Variants in NECTIN3 observed in about 807,000 individuals in gnomAD.
The protein encoded by NECTIN3 is nectin-3.
Under a neutral mutation model 49.4 loss-of-function variants are expected in NECTIN3, and 8 were observed. The observed-to-expected ratio is 0.16, with a 90% CI of 0.10 to 0.29. The LOEUF (loss-of-function observed/expected upper bound fraction) is 0.29, where lower values mean the gene tolerates loss of function less well. NECTIN3 is among the 10% of genes least tolerant of loss of function. The probability of loss-of-function intolerance (pLI) is 1.00; values close to 1 mark genes in which losing one functional copy is unlikely to be tolerated. For synonymous variants in NECTIN3, 277 were observed against 241.1 expected (o/e 1.15, Z -1.38); for missense variants, 581 against 654.6 (o/e 0.89, Z 1.23).
intron 1 of NECTIN3, among the ~76,000 whole-genome samples, chr3:111,086,969 A>G (rs1435813856): frequency 6.6e-6 from 1 of 152,054 alleles, no homozygotes; most frequent in Non-Finnish European, 1.5e-5. Context: ...TCTAATTTTA[A>G]TTATAGATTT....
At chr3:111,105,707 G>T (rs185870550) in intron 1 of NECTIN3, among the ~76,000 whole-genome samples, 2 of 151,990 alleles carry the variant, frequency 1.3e-5, no homozygotes, top group Non-Finnish European at 2.9e-5. Context: ...GATTGTACTG[G>T]CTAGAACCTT....
At chr3:111,081,265 G>A (rs1156693672) in intron 1 of NECTIN3, among the ~76,000 whole-genome samples, 1 of 152,106 alleles carries the variant, frequency 6.6e-6, no homozygotes, top group African/African-American at 2.4e-5. Context: ...TGGACAACAG[G>A]GCAAGACTCT....
chr3:111,161,633 G>A (rs1222430549), intron 7 of NECTIN3, among the ~76,000 whole-genome samples: 4 of 152,222 alleles, frequency 2.6e-5, no homozygotes, highest in South Asian at 2.1e-4. Flanking sequence ...TGTGAACTGC[G>A]CATGCAAGGG....
chr3:111,141,780 T>G (rs1451370226), downstream of NECTIN3, among the ~76,000 whole-genome samples: 1 of 151,966 alleles, frequency 6.6e-6, no homozygotes, highest in African/African-American at 2.4e-5. Flanking sequence ...TTTGTCTTGT[T>G]TTCTGCCTCT....
chr3:111,088,057 C>T (rs1311360326), intron 1 of NECTIN3, among the ~76,000 whole-genome samples: 1 of 152,026 alleles, frequency 6.6e-6, no homozygotes, highest in South Asian at 2.1e-4. Context: ...TTCTGCCAAG[C>T]CTCATGTTGA....
upstream of NECTIN3, among the ~76,000 whole-genome samples, chr3:111,189,042 G>T (rs1363710653): frequency 6.6e-6 from 1 of 152,104 alleles, no homozygotes. Flanking sequence ...CTATGTTCAA[G>T]ATTTCTTTTC....
At chr3:111,185,930 G>C (rs2035711556) in intron 7 of NECTIN3, among the ~76,000 whole-genome samples, 1 of 152,130 alleles carries the variant, frequency 6.6e-6, no homozygotes, top group Non-Finnish European at 1.5e-5. Flanking sequence ...ATTATAACTT[G>C]GATTCAGAGT....
In NECTIN3 at chr3:111,118,866, T is replaced by A; in HGVS notation, c.713T>A (p.Phe238Tyr). 1 of 1,614,160 alleles carries A rather than the reference T, an allele frequency of 6.2e-7. No individual in the cohort carries two copies. The highest frequency in any genetic ancestry group is 8.5e-7 in the Non-Finnish European group (1 of 1,180,022). Reference protein sequence around the residue: ...ISQYKLFPTRFARGRRITCVV... With the variant: ...ISQYKLFPTRYARGRRITCVV... Reference sequence around the variant, plus strand: ...CAGTACAAGCTATTTCCAACCAGATTTGCTAGAGGAAGGCGAATTACTTGT... The same window carrying A: ...CAGTACAAGCTATTTCCAACCAGATATGCTAGAGGAAGGCGAATTACTTGT... Residue 238 changes from phenylalanine (F) to tyrosine (Y), a missense_variant, in exon 3 of 6, where the codon TTT (phenylalanine) becomes TAT (tyrosine). Physicochemically the swap from Phe to Tyr is conservative, Grantham distance 22. Transcript: ENST00000485303.
chr3:111,129,282 T>G (rs1249679733), intron 5 of NECTIN3, among the ~76,000 whole-genome samples: 2 of 152,154 alleles, frequency 1.3e-5, no homozygotes, highest in African/African-American at 4.8e-5. Context: ...TTGGTCCCCT[T>G]CTTTTTCTCT....
At chr3:111,111,468 T>G (rs2107448210) in intron 1 of NECTIN3, among the ~76,000 whole-genome samples, 1 of 152,320 alleles carries the variant, frequency 6.6e-6, no homozygotes, top group South Asian at 2.1e-4. Flanking sequence ...AAGAAGATAC[T>G]TCAGTATTAT....
At chr3:111,167,231 T>A (rs1327604931) in intron 7 of NECTIN3, among the ~76,000 whole-genome samples, 2 of 152,184 alleles carry the variant, frequency 1.3e-5, no homozygotes, top group East Asian at 3.9e-4. Flanking sequence ...AGCTGGGAAA[T>A]AGTTCAAGAA....
chr3:111,158,700 C>T (rs1262168246), intron 7 of NECTIN3, among the ~76,000 whole-genome samples: 2 of 152,214 alleles, frequency 1.3e-5, no homozygotes, highest in African/African-American at 4.8e-5. Context: ...AACACACACA[C>T]ACAAATTAAT....
intron 7 of NECTIN3, among the ~76,000 whole-genome samples, chr3:111,173,896 T>A (rs961619618): frequency 6.6e-6 from 1 of 152,178 alleles, no homozygotes; most frequent in Non-Finnish European, 1.5e-5. Context: ...TCACTCCCTA[T>A]TGTTGATAGT....
At chr3:111,137,769 C>CTT (rs3081495), downstream of NECTIN3, among the ~76,000 whole-genome samples, 3,799 of 99,926 alleles carry the variant, frequency 0.038, 143 homozygotes, top group African/African-American at 0.086. Context: ...AAATTTTTTC[C>CTT]TTTTTTTTTT....
chr3:111,177,353 TAAATATGAGATTTGGG>T (rs1485210742), intron 7 of NECTIN3, among the ~76,000 whole-genome samples: 2 of 152,196 alleles, frequency 1.3e-5, no homozygotes, highest in Non-Finnish European at 1.5e-5. Context: ...GATGCTAGAT[TAAATATGAGATTTGGG>T]AAGGCCCATA....
At chr3:111,111,937 C>A in intron 1 of NECTIN3, 93 bp from the exon 2 acceptor site, 8 of 646,836 alleles carry the variant, frequency 1.2e-5, no homozygotes, top group South Asian at 5.9e-5. Context: ...GTGTGTGTAG[C>A]TAGAGATAGT....
upstream of NECTIN3, among the ~76,000 whole-genome samples, chr3:111,189,150 C>A (rs374355545): frequency 1.3e-5 from 2 of 152,166 alleles, no homozygotes; most frequent in East Asian, 1.9e-4. Context: ...CTACTGTTTA[C>A]TTCTTGGAAG....
At chr3:111,076,075 T>A (rs1015714368) in intron 1 of NECTIN3, among the ~76,000 whole-genome samples, 3 of 152,224 alleles carry the variant, frequency 2.0e-5, no homozygotes, top group Non-Finnish European at 4.4e-5. Context: ...GAAATAATAA[T>A]TGGAAAAGCT....
rs1442123517 is a variant in NECTIN3 at position 111,135,491 on chromosome 3, G to A, written c.*1276G>A. ...TTCAAATGTGCTTTTTGTTTGTGAG[G>A]TAATTAAATTGCTTCTACAGTGGAG... On this transcript the variant is annotated 3_prime_UTR_variant, in exon 6 of 6. Coordinates refer to ENST00000485303, the MANE Select transcript of NECTIN3 (RefSeq NM_015480.3). 1 of 972,994 alleles carries A rather than the reference G, an allele frequency of 1.0e-6. No homozygotes were observed. The highest frequency in any genetic ancestry group is 1.2e-6 in the Non-Finnish European group (1 of 818,870). The allele number at this position is 972,994 out of a possible 1,614,324, so 60.3% of individuals were successfully genotyped here. A position where few individuals can be genotyped will look rare whatever the true frequency, so the allele number is the denominator to read the frequency against.
Sources: allele counts gnomAD v4.1 joint callset (sites outside exome capture counted in the v4.1 genomes callset), GRCh38; gene constraint gnomAD v4.1.1; transcripts MANE v1.5; gene names NCBI Gene and HGNC (gene_info 2026-07-23, HGNC 2026-07-21).